SPATA3: variants seen among roughly 807,000 people sequenced by gnomAD.
SPATA3 encodes the protein spermatogenesis-associated protein 3.
In SPATA3, 6 loss-of-function variants were observed where a neutral mutation model predicts 5.7. The observed-to-expected ratio is 1.06, with a 90% CI of 0.58 to 2.09. The LOEUF is 2.09. Among genes scored for constraint, SPATA3 ranks in the 30% most tolerant of loss-of-function variants. SPATA3 has a pLI of 0.00. For missense variants in SPATA3, 155 were observed against 130.4 expected, an observed-to-expected ratio of 1.19 and a Z score of -0.92; for synonymous variants, 44 against 48.4, an observed-to-expected ratio of 0.91 and a Z score of 0.37.
At chr2:231,005,454 C>CCATCAT (rs1692570987), downstream of SPATA3, among the ~76,000 whole-genome samples, 1 of 22,512 alleles carries the variant, frequency 4.4e-5, no homozygotes, top group Non-Finnish European at 9.7e-5. Context: ...ACCATCACCA[C>CCATCAT]CACCACCACC....
chr2:231,001,654 C>T (rs1408771321), intron 2 of SPATA3, among the ~76,000 whole-genome samples: 1 of 152,176 alleles, frequency 6.6e-6, no homozygotes, highest in African/African-American at 2.4e-5. Flanking sequence ...CCAAATCGTG[C>T]CATGGGTTCA....
intron 1 of SPATA3, among the ~76,000 whole-genome samples, chr2:231,000,072 C>T (rs1366007578): frequency 2.6e-5 from 4 of 152,172 alleles, no homozygotes; most frequent in Non-Finnish European, 4.4e-5. Context: ...TCATCATCAT[C>T]GTTGTTGTCG....
downstream of SPATA3, among the ~76,000 whole-genome samples, chr2:231,009,731 T>C (rs1035865036): frequency 1.3e-5 from 2 of 152,242 alleles, no homozygotes; most frequent in African/African-American, 4.8e-5. Context: ...ACACATCCGC[T>C]ACTCTGTGGT....
At chr2:231,014,505 T>G (rs1011682451) in intron 6 of SPATA3, among the ~76,000 whole-genome samples, 1 of 152,206 alleles carries the variant, frequency 6.6e-6, no homozygotes, top group East Asian at 1.9e-4. Flanking sequence ...TCTTGGGGTC[T>G]GGAGTAAGTC....
chr2:231,009,308 A>G (rs1311608538), downstream of SPATA3, among the ~76,000 whole-genome samples: 1 of 152,122 alleles, frequency 6.6e-6, no homozygotes, highest in Non-Finnish European at 1.5e-5. Context: ...TGAATGCTCA[A>G]GTGGCCAGGA....
chr2:231,006,728 G>A (rs957021079), downstream of SPATA3: 7 of 152,152 alleles, frequency 4.6e-5, no homozygotes, highest in African/African-American at 1.7e-4. Context: ...AGAGAGTGAA[G>A]AACCATCTGA....
chr2:231,005,434 CACA>C (rs1298112944), downstream of SPATA3, among the ~76,000 whole-genome samples: 5 of 102,438 alleles, frequency 4.9e-5, no homozygotes, highest in African/African-American at 1.1e-4. Flanking sequence ...CCACCACCAC[CACA>C]ATCACCACCA....
At chr2:231,000,135 C>T (rs913957076) in intron 1 of SPATA3, among the ~76,000 whole-genome samples, 2 of 152,162 alleles carry the variant, frequency 1.3e-5, no homozygotes, top group African/African-American at 2.4e-5. Context: ...TTTTCCCATG[C>T]GGTCAGTCTT....
chr2:231,003,223 A>G (rs575991461), downstream of SPATA3, among the ~76,000 whole-genome samples: 6 of 152,226 alleles, frequency 3.9e-5, no homozygotes, highest in African/African-American at 1.4e-4. Context: ...CATCTTCCCA[A>G]CTTCAATGAC....
downstream of SPATA3, among the ~76,000 whole-genome samples, chr2:231,005,295 TCACCACCAC>T: frequency 2.1e-5 from 1 of 48,564 alleles, no homozygotes; most frequent in Admixed American, 2.1e-4. Context: ...ATCATCACCA[TCACCACCAC>T]CATCACCACC....
At chr2:231,011,994 A>G (rs1642945783), downstream of SPATA3, among the ~76,000 whole-genome samples, 1 of 152,214 alleles carries the variant, frequency 6.6e-6, no homozygotes, top group South Asian at 2.1e-4. Flanking sequence ...GCCCTTGCCA[A>G]TGTCCCAAGA....
downstream of SPATA3, among the ~76,000 whole-genome samples, chr2:231,005,352 TCAC>T (rs1692555884): frequency 1.2e-4 from 5 of 43,322 alleles, no homozygotes; most frequent in East Asian, 7.8e-4. Flanking sequence ...ATCATCACCA[TCAC>T]CACCACCACC....
rs35102459 is a variant in SPATA3, at chr2:231,015,257, C to CTTTTTTTTT, written c.*565+1059_*565+1067dup. 1.4e-4 allele frequency among the ~76,000 whole-genome samples: 13 copies of CTTTTTTTTT among 94,104 alleles called. 1 individual carries two copies. The highest frequency in any genetic ancestry group is 2.7e-4 in the East Asian group (1 of 3,702). The allele number at this position is 94,104 out of a possible 152,430, so 61.7% of individuals were successfully genotyped here. A position where few individuals can be genotyped will look rare whatever the true frequency, so the allele number is the denominator to read the frequency against. Reference sequence around the variant, plus strand: ...CACACCCAGCTAACTATCGTTTTGGCTTTTTTTTTTTTTTTTTTTTTTGGT... The same window carrying CTTTTTTTTT: ...CACACCCAGCTAACTATCGTTTTGGCTTTTTTTTTTTTTTTTTTTTTTTTTTTTTTTGGT... On this transcript the variant is annotated intron_variant, in intron 6 of 8. Coordinates refer to the SPATA3 transcript ENST00000452881.
At position 231,015,384 on chromosome 2, in the gene SPATA3, G is replaced by A. The variant is rs992942374; in HGVS notation, c.*565+1172G>A. Among the ~76,000 whole-genome samples the A allele has an allele frequency of 6.7e-5, 10 of 150,186 alleles. No homozygotes were observed. The South Asian group carries it at 1.5e-3, about 22-fold the overall frequency. ...GGTGTGAGCCACCATGGCCCGCCAG[G>A]ACCTAGTCTTTGGAATGCCAACGCA... On this transcript the variant is annotated intron_variant, in intron 6 of 8. Transcript: ENST00000452881.
Position 231,000,378 on chromosome 2 carries a change from GCGCCGGCC to G in SPATA3, c.807_814del (p.Gly270PhefsTer22), listed in dbSNP as rs1692302079. On this transcript the variant is annotated frameshift_variant, in exon 2 of 3. Transcript: ENST00000645363. LOFTEE classifies it high-confidence loss of function. ...TCTGTCCCCACAGGGCCTCTGATTCGCGCCGGCCCGCATTCCTGCTCCTGTGCCACTTG... is the reference window on the plus strand; with the variant it reads ...TCTGTCCCCACAGGGCCTCTGATTCGCGCATTCCTGCTCCTGTGCCACTTG... The G allele has an allele frequency of 6.6e-7, 1 of 1,512,942 alleles. No individual in the cohort carries two copies. Among genetic ancestry groups the G allele is most frequent in the African/African-American group, 1.4e-5 (1 of 72,080 alleles). The allele number at this position is 1,512,942 out of a possible 1,614,324, so 93.7% of individuals were successfully genotyped here.
At chr2:231,019,725 C>G (rs76676112) in exon 7 of SPATA3, 1 of 151,208 alleles carries the variant, frequency 6.6e-6, no homozygotes, top group Non-Finnish European at 1.5e-5. Context: ...TCCAGACCCC[C>G]TCAATATCCT....
At chr2:231,006,484 C>G (rs1164633521), downstream of SPATA3, among the ~76,000 whole-genome samples, 1 of 147,958 alleles carries the variant, frequency 6.8e-6, no homozygotes, top group African/African-American at 2.5e-5. Flanking sequence ...GCCTGGGCAA[C>G]AACAGCGAAA....
rs545769640 is a variant in SPATA3 at position 231,017,068 on chromosome 2, G to A, written c.*566-2652G>A. On this transcript the variant is annotated intron_variant, in intron 6 of 8. Coordinates refer to the SPATA3 transcript ENST00000452881. ...TGGCGTTGCATCATATGCCTGTTTC[G>A]TAATTGATCAAATGAGATTCTACAG... Among the ~76,000 whole-genome samples the A allele has an allele frequency of 4.6e-5, 7 of 152,144 alleles. No individual in the cohort carries two copies. The East Asian group carries it at 7.7e-4, about 17-fold the overall frequency.
intron 2 of SPATA3, among the ~76,000 whole-genome samples, chr2:231,002,314 A>G (rs1471637874): frequency 6.6e-6 from 1 of 152,214 alleles, no homozygotes; most frequent in Non-Finnish European, 1.5e-5. Context: ...CCTTTCTCTC[A>G]ATGGAGTGAA....
Sources: allele counts gnomAD v4.1 joint callset (sites outside exome capture counted in the v4.1 genomes callset), GRCh38; gene constraint gnomAD v4.1.1; transcripts MANE v1.5; gene names NCBI Gene and HGNC (gene_info 2026-07-23, HGNC 2026-07-21).